The following DIP2C variants were observed in gnomAD, a reference collection of about 807,000 sequenced individuals.
DIP2C encodes the protein disco-interacting protein 2 homolog C.
DIP2C carries 33 observed loss-of-function variants against 192.4 expected under a neutral mutation model. The observed-to-expected ratio is 0.17, with a 90% CI of 0.13 to 0.23. DIP2C has a LOEUF of 0.23. Among genes scored for constraint, DIP2C ranks in the 10% least tolerant of loss-of-function variants. The pLI is 1.00. For synonymous variants in DIP2C, 979 were observed against 864.1 expected, an observed-to-expected ratio of 1.13 and a Z score of -2.33; for missense variants, 1,537 against 2,110.1, an observed-to-expected ratio of 0.73 and a Z score of 5.32.
At chr10:423,947 G>A (rs910876300) in intron 4 of DIP2C, among the ~76,000 whole-genome samples, 1 of 152,140 alleles carries the variant, frequency 6.6e-6, no homozygotes, top group African/African-American at 2.4e-5. Flanking sequence ...TTCTATCTGT[G>A]CAGATTGGAT....
Position 645,833 on chromosome 10 carries a change from C to A in DIP2C, c.85+43661G>T, listed in dbSNP as rs145952711. Among the ~76,000 whole-genome samples the A allele has an allele frequency of 3.9e-5, 6 of 152,266 alleles. No individual in the cohort carries two copies. The East Asian group carries it at 1.2e-3, about 29-fold the overall frequency. The stretch of plus-strand genomic sequence containing the variant: ...TCACTTCTGTAATGTAATAATAGAG[C>A]AAACACAATAGTTCAGGAAACACTG... On this transcript the variant is annotated intron_variant, in intron 1 of 36. Transcript: ENST00000280886.
Position 661,286 on chromosome 10 carries a change from C to G in DIP2C, c.85+28208G>C, listed in dbSNP as rs79436423. ...TGGGGACCTGGCTCCATGCCTGCCC[C>G]CTTTCTTCCGTGTACCTTTGCCCTT... On this transcript the variant is annotated intron_variant, in intron 1 of 36. Transcript: ENST00000280886. Among the ~76,000 whole-genome samples, 187 of 152,346 alleles carry G rather than the reference C, an allele frequency of 1.2e-3. 5 individuals are homozygous for G. The East Asian group carries it at 0.033, about 27-fold the overall frequency.
chr10:405,647 C>T lies in DIP2C; in HGVS notation c.1149+3279G>A, dbSNP rs144410724. On this transcript the variant is annotated intron_variant, in intron 9 of 36. Coordinates refer to ENST00000280886, the MANE Select transcript of DIP2C (RefSeq NM_014974.3). ...ATACAATACTGGACAAATACAAAGACGCTCGATTTTTGTAAACCCACATGG... is the reference window on the plus strand; with the variant it reads ...ATACAATACTGGACAAATACAAAGATGCTCGATTTTTGTAAACCCACATGG... Among the ~76,000 whole-genome samples, 600 of 152,312 alleles carry T rather than the reference C, an allele frequency of 3.9e-3. 7 individuals are homozygous for T. Among genetic ancestry groups the T allele is most frequent in the African/African-American group, 0.013 (526 of 41,556 alleles).
chr10:348,161 A>C (rs906267008), intron 26 of DIP2C, among the ~76,000 whole-genome samples: 20 of 152,224 alleles, frequency 1.3e-4, no homozygotes, highest in African/African-American at 4.8e-4. Flanking sequence ...CTCTGCCCAC[A>C]CTGTTCTCCC....
At chr10:349,019 G>A (rs1323274627) in intron 25 of DIP2C, among the ~76,000 whole-genome samples, 1 of 152,314 alleles carries the variant, frequency 6.6e-6, no homozygotes, top group East Asian at 1.9e-4. Context: ...ACCCACCTTT[G>A]TAACTGTGAA....
intron 1 of DIP2C, among the ~76,000 whole-genome samples, chr10:510,856 T>C (rs929130293): frequency 2.0e-5 from 3 of 152,192 alleles, no homozygotes; most frequent in Admixed American, 6.5e-5. Context: ...TGACCCAATA[T>C]CTGCATGCTG....
At chr10:387,865 A>C in intron 13 of DIP2C, 56 bp from the exon 14 acceptor site, 3 of 1,557,548 alleles carry the variant, frequency 1.9e-6, no homozygotes, top group Middle Eastern at 1.7e-4. Flanking sequence ...GCAACAGATC[A>C]AAATGCAAAC....
intron 18 of DIP2C, among the ~76,000 whole-genome samples, chr10:366,854 A>C (rs556568870): frequency 6.6e-6 from 1 of 152,262 alleles, no homozygotes. Flanking sequence ...CCTTCCGAGA[A>C]CACCACTGGA....
At chr10:665,330 T>C (rs758719445) in intron 1 of DIP2C, 1 of 152,180 alleles carries the variant, frequency 6.6e-6, no homozygotes, top group Admixed American at 6.5e-5. Flanking sequence ...GTGGCATCAT[T>C]AGGACATTGT....
At chr10:414,909 T>A (rs1440214716) in intron 7 of DIP2C, among the ~76,000 whole-genome samples, 3,563 of 65,862 alleles carry the variant, frequency 0.054, 184 homozygotes, top group African/African-American at 0.11. Context: ...TATATATATT[T>A]TTTTTTTTTT....
intron 22 of DIP2C, among the ~76,000 whole-genome samples, chr10:360,298 C>T (rs1474657261): frequency 6.6e-6 from 1 of 152,116 alleles, no homozygotes; most frequent in Non-Finnish European, 1.5e-5. Context: ...TGACAGTGTC[C>T]CCTGTTGAAG....
chr10:632,065 C>T (rs1280188277), intron 1 of DIP2C, among the ~76,000 whole-genome samples: 1 of 152,148 alleles, frequency 6.6e-6, no homozygotes, highest in Non-Finnish European at 1.5e-5. Flanking sequence ...GATAAAAGCA[C>T]GATTATTTTA....
At chr10:451,281 C>T (rs116504720) in intron 3 of DIP2C, among the ~76,000 whole-genome samples, 2,379 of 145,118 alleles carry the variant, frequency 0.016, 69 homozygotes, top group African/African-American at 0.065. Flanking sequence ...GTTACCAAAC[C>T]ACCACCTCAA....
chr10:375,960 G>A (rs768327624), intron 17 of DIP2C, among the ~76,000 whole-genome samples: 33 of 152,196 alleles, frequency 2.2e-4, no homozygotes, highest in Non-Finnish European at 4.3e-4. Context: ...GAGTTAAGCT[G>A]CAGGCCCCTC....
chr10:483,843 GTC>G (rs959977041), intron 2 of DIP2C, among the ~76,000 whole-genome samples: 2 of 151,902 alleles, frequency 1.3e-5, no homozygotes, highest in African/African-American at 4.8e-5. Context: ...TTGAGACAGG[GTC>G]TCGCTCTGTC....
At chr10:284,632 CAGTT>C (rs777409354) in intron 34 of DIP2C, among the ~76,000 whole-genome samples, 11 of 152,160 alleles carry the variant, frequency 7.2e-5, no homozygotes, top group South Asian at 2.1e-4. Context: ...TGCAAACCCT[CAGTT>C]AGAGGGCAAA....
At chr10:544,271 G>A (rs775056720) in intron 1 of DIP2C, among the ~76,000 whole-genome samples, 7 of 152,220 alleles carry the variant, frequency 4.6e-5, no homozygotes, top group Admixed American at 1.3e-4. Context: ...TGGAGCACAT[G>A]TTCTTTTGTT....
intron 1 of DIP2C, among the ~76,000 whole-genome samples, chr10:545,757 G>A (rs1848253103): frequency 6.6e-6 from 1 of 152,196 alleles, no homozygotes; most frequent in African/African-American, 2.4e-5. Context: ...TTTTTGTGTA[G>A]GGTGAGGGAG....
intron 5 of DIP2C, among the ~76,000 whole-genome samples, chr10:419,851 A>AT (rs1407324671): frequency 6.6e-6 from 1 of 152,218 alleles, no homozygotes; most frequent in African/African-American, 2.4e-5. Context: ...TGTAAGGCCA[A>AT]TGAGCGCGTG....
Sources: gnomAD v4.1 joint callset for allele counts (sites outside exome capture counted in the v4.1 genomes callset) on GRCh38, gnomAD v4.1.1 for gene constraint, MANE v1.5 for transcripts, NCBI Gene and HGNC (gene_info 2026-07-23, HGNC 2026-07-21) for gene names.